The following UVRAG variants were observed in gnomAD, a reference collection of about 807,000 sequenced individuals.
UVRAG encodes UV radiation resistance associated.
UVRAG carries 19 observed loss-of-function variants against 78.0 expected under a neutral mutation model. The observed-to-expected ratio is 0.24, with a 90% CI of 0.17 to 0.36. The LOEUF (loss-of-function observed/expected upper bound fraction) is 0.36. UVRAG is among the 10% of genes least tolerant of loss of function. The pLI is 1.00. For missense variants in UVRAG, 740 were observed against 853.8 expected, an observed-to-expected ratio of 0.87 and a Z score of 1.66; for synonymous variants, 323 against 324.6, an observed-to-expected ratio of 1.00 and a Z score of 0.05.
At position 75,844,227 on chromosome 11, in the gene UVRAG, CT is replaced by C. The variant is rs1027403457; in HGVS notation, c.118-7649del. 4.6e-5 allele frequency among the ~76,000 whole-genome samples: 7 copies of C among 151,444 alleles called. No individual in the cohort carries two copies. The South Asian group carries it at 8.4e-4, about 18-fold the overall frequency. The stretch of plus-strand genomic sequence containing the variant: ...TAAGTTTTAAAGCAGATTTCTTTTT[CT>C]TTTTTTCTTTTTTTTTTGAGGCAGA... On this transcript the variant is annotated intron_variant, in intron 1 of 14. Coordinates refer to ENST00000356136, the MANE Select transcript of UVRAG (RefSeq NM_003369.4).
chr11:75,897,717 T>C (rs903167617), intron 5 of UVRAG, among the ~76,000 whole-genome samples: 1 of 151,628 alleles, frequency 6.6e-6, no homozygotes, highest in African/African-American at 2.4e-5. Context: ...AGAGATGGGG[T>C]TTCACCATGT....
intron 13 of UVRAG, among the ~76,000 whole-genome samples, chr11:76,103,280 T>C (rs558904321): frequency 6.6e-6 from 1 of 152,190 alleles, no homozygotes; most frequent in South Asian, 2.1e-4. Context: ...GTGAAGGTCA[T>C]GGGGGCCATC....
chr11:75,919,410 G>A (rs984063777), intron 6 of UVRAG, among the ~76,000 whole-genome samples: 2 of 152,222 alleles, frequency 1.3e-5, no homozygotes, highest in Non-Finnish European at 2.9e-5. Flanking sequence ...TAAGTTAGGG[G>A]AGGAATTAAG....
At chr11:75,893,440 C>G (rs981953325) in intron 5 of UVRAG, among the ~76,000 whole-genome samples, 1 of 151,408 alleles carries the variant, frequency 6.6e-6, no homozygotes, top group Admixed American at 6.6e-5. Flanking sequence ...AGAGAAACTG[C>G]AGAACTTTAA....
chr11:75,949,260 TCTG>T (rs1948639190), intron 6 of UVRAG, among the ~76,000 whole-genome samples: 1 of 152,148 alleles, frequency 6.6e-6, no homozygotes, highest in African/African-American at 2.4e-5. Flanking sequence ...CAGCTGTCCT[TCTG>T]CTTCTCCCTG....
At chr11:76,049,063 C>T (rs1950815663) in intron 12 of UVRAG, among the ~76,000 whole-genome samples, 1 of 152,254 alleles carries the variant, frequency 6.6e-6, no homozygotes, top group Admixed American at 6.5e-5. Flanking sequence ...CCCCACCTGG[C>T]TCTCAGCCGC....
At position 76,007,543 on chromosome 11, in the gene UVRAG, C is replaced by A. The variant is rs1949969934; in HGVS notation, c.921C>A (p.Phe307Leu). The A allele has an allele frequency of 1.9e-6, 3 of 1,612,828 alleles. No homozygotes were observed. Among genetic ancestry groups the A allele is most frequent in the Non-Finnish European group, 2.5e-6 (3 of 1,179,404 alleles). The change falls in exon 10 of 15, where the codon TTC (phenylalanine) becomes TTA (leucine). Residue 307 changes from phenylalanine to leucine, a missense_variant. Phe to Leu is a conservative substitution (Grantham distance 22). Coordinates refer to ENST00000356136, the MANE Select transcript of UVRAG (RefSeq NM_003369.4). ...TTTCTTTCCTCATTAGAGAACTCTT[C>A]TTGAAGACTAATGCTCAGTTGACAA... The part of the protein sequence containing the change: ...RKECTAKREL[F>L]LKTNAQLTIR...
At chr11:75,886,695 A>G (rs564707097) in intron 4 of UVRAG, among the ~76,000 whole-genome samples, 2 of 152,364 alleles carry the variant, frequency 1.3e-5, no homozygotes, top group African/African-American at 4.8e-5. Flanking sequence ...TGATAGAGGT[A>G]GGAGATACAG....
At chr11:76,016,384 T>C (rs1244613747) in intron 11 of UVRAG, among the ~76,000 whole-genome samples, 2 of 152,296 alleles carry the variant, frequency 1.3e-5, no homozygotes, top group East Asian at 3.9e-4. Flanking sequence ...TGTAAAATAG[T>C]ACAACTATAT....
At chr11:75,904,643 C>T (rs898193839) in intron 5 of UVRAG, among the ~76,000 whole-genome samples, 4 of 152,122 alleles carry the variant, frequency 2.6e-5, no homozygotes, top group Admixed American at 1.3e-4. Context: ...CTTAAGAACA[C>T]GGGCTGTGGA....
intron 2 of UVRAG, 152 bp downstream of exon 2, chr11:75,852,152 A>G (rs1946166910): frequency 1.8e-6 from 1 of 552,212 alleles, no homozygotes; most frequent in East Asian, 3.1e-5. Context: ...GTTGGGATGT[A>G]TACTAAAGAA....
At chr11:75,857,646 C>T (rs1020258916) in intron 2 of UVRAG, among the ~76,000 whole-genome samples, 7 of 152,070 alleles carry the variant, frequency 4.6e-5, no homozygotes, top group Admixed American at 1.3e-4. Context: ...TATGCCACCA[C>T]GCCCAGCTAA....
At chr11:76,134,403 A>G (rs1254354246) in intron 14 of UVRAG, among the ~76,000 whole-genome samples, 3 of 151,908 alleles carry the variant, frequency 2.0e-5, no homozygotes, top group East Asian at 3.9e-4. Context: ...TGCTGGGACT[A>G]CAGACATAAG....
chr11:75,833,588 A>G (rs1945711678), intron 1 of UVRAG, among the ~76,000 whole-genome samples: 1 of 99,802 alleles, frequency 1.0e-5, no homozygotes, highest in South Asian at 2.7e-4. Context: ...AGACACACAC[A>G]TAGAGAAATA....
intron 11 of UVRAG, among the ~76,000 whole-genome samples, chr11:76,009,140 C>T (rs978904065): frequency 6.6e-6 from 1 of 152,052 alleles, no homozygotes; most frequent in Non-Finnish European, 1.5e-5. Context: ...CTTAAGAATA[C>T]AAATAATCGC....
At chr11:76,125,267 A>G (rs1952363368) in intron 14 of UVRAG, among the ~76,000 whole-genome samples, 1 of 152,246 alleles carries the variant, frequency 6.6e-6, no homozygotes, top group African/African-American at 2.4e-5. Context: ...TGAAAAGTTA[A>G]GCCTAGTCAA....
At chr11:75,834,585 C>T (rs1349356343) in intron 1 of UVRAG, among the ~76,000 whole-genome samples, 3 of 152,052 alleles carry the variant, frequency 2.0e-5, no homozygotes, top group Non-Finnish European at 2.9e-5. Flanking sequence ...TAGGCCGAGG[C>T]GGGTGGATCA....
chr11:75,879,780 G>C, intron 3 of UVRAG, 99 bp from the exon 4 acceptor site: 14 of 1,470,188 alleles, frequency 9.5e-6, no homozygotes, highest in Non-Finnish European at 1.3e-5. Flanking sequence ...GTATTTATGA[G>C]GTCTTTTGGT....
At chr11:75,913,566 C>A (rs1485819437) in intron 6 of UVRAG, among the ~76,000 whole-genome samples, 6 of 152,146 alleles carry the variant, frequency 3.9e-5, no homozygotes, top group Admixed American at 3.9e-4. Flanking sequence ...CATTTTTTAT[C>A]TTATTCTCTT....
Sources: gnomAD v4.1 joint callset for allele counts (sites outside exome capture counted in the v4.1 genomes callset) on GRCh38, gnomAD v4.1.1 for gene constraint, MANE v1.5 for transcripts, NCBI Gene and HGNC (gene_info 2026-07-23, HGNC 2026-07-21) for gene names.